Variants in ZGRF1 observed in about 807,000 individuals in gnomAD.
ZGRF1 encodes 5'-3' DNA helicase ZGRF1.
A neutral mutation model predicts 203.5 loss-of-function variants in ZGRF1; 196 were observed. The ratio of observed to expected loss-of-function variants is 0.96; its 90% CI spans 0.86 to 1.08. The LOEUF (loss-of-function observed/expected upper bound fraction) is 1.08, where lower values mean the gene tolerates loss of function less well. Among genes scored for constraint, ZGRF1 ranks in the 50% least tolerant of loss-of-function variants. ZGRF1 has a pLI of 0.00. For missense variants in ZGRF1, 2,326 were observed against 2,416.3 expected (o/e 0.96, Z 0.78); for synonymous variants, 809 against 841.3 (o/e 0.96, Z 0.66).
In ZGRF1 at chr4:112,619,562, C is replaced by G. The variant is rs760593270; in HGVS notation, c.480G>C (p.Leu160Phe). ...CATCTTTCTTGCCAACAGTAGGAAA[C>G]AAAGGAGGCATGCTGCAGAATGGAG... ...IFSPFCSMPP[L>F]FPTVGKKDVN... is the part of the protein sequence containing the mutation. The change falls in exon 6 of 28, where the codon TTG (leucine) becomes TTC (phenylalanine). Residue 160 changes from leucine (L) to phenylalanine (F), a missense_variant. Coordinates refer to ENST00000505019, the MANE Select transcript of ZGRF1 (RefSeq NM_018392.5). 5 of 1,614,052 alleles carry G rather than the reference C, an allele frequency of 3.1e-6. No individual in the cohort carries two copies. In the East Asian group the frequency reaches 1.1e-4, roughly 36 times the overall value.
At chr4:112,561,843 A>G (rs1398244355) in intron 18 of ZGRF1, among the ~76,000 whole-genome samples, 1 of 151,976 alleles carries the variant, frequency 6.6e-6, no homozygotes, top group Non-Finnish European at 1.5e-5. Flanking sequence ...TGAAGTGAAA[A>G]TGTACAGTAA....
chr4:112,618,309 T>C lies in ZGRF1; in HGVS notation c.1733A>G (p.Asn578Ser). The C allele has an allele frequency of 6.2e-7, 1 of 1,613,984 alleles. No individual in the cohort carries two copies. Among genetic ancestry groups the C allele is most frequent in the Non-Finnish European group, 8.5e-7 (1 of 1,179,944 alleles). The change falls in exon 6 of 28, where the codon AAT becomes AGT. Residue 578 changes from asparagine (N) to serine (S), a missense_variant. Physicochemically the swap from Asn to Ser is conservative, Grantham distance 46. Transcript: ENST00000505019. The stretch of plus-strand genomic sequence containing the variant: ...ACCCTCAATCTCTTCACAGTTTGTA[T>C]TCTCAGACCTCTTTTGAAAACATGA... Reference protein sequence around the residue: ...GNSCFQKRSENTNCEEIEGEH... With the variant: ...GNSCFQKRSESTNCEEIEGEH...
chr4:112,571,728 T>C (rs1328413846), intron 16 of ZGRF1, among the ~76,000 whole-genome samples: 1 of 152,164 alleles, frequency 6.6e-6, no homozygotes, highest in Non-Finnish European at 1.5e-5. Flanking sequence ...CTCAACTTTA[T>C]AGGTACAATT....
intron 15 of ZGRF1, among the ~76,000 whole-genome samples, chr4:112,582,587 G>A (rs528880023): frequency 1.3e-4 from 20 of 151,998 alleles, no homozygotes; most frequent in Non-Finnish European, 2.8e-4. Flanking sequence ...CCAAGTAGCT[G>A]GGACTACAGG....
At chr4:112,614,595 G>A (rs759110241) in intron 6 of ZGRF1, among the ~76,000 whole-genome samples, 8 of 152,220 alleles carry the variant, frequency 5.3e-5, no homozygotes, top group Non-Finnish European at 7.3e-5. Context: ...TCGGGAGGCC[G>A]AGGTGGGCAG....
chr4:112,623,471 T>C (rs377574484), intron 4 of ZGRF1, among the ~76,000 whole-genome samples: 2 of 152,304 alleles, frequency 1.3e-5, no homozygotes, highest in East Asian at 1.9e-4. Flanking sequence ...ACAGTAGACC[T>C]CTGCCTATGA....
intron 16 of ZGRF1, among the ~76,000 whole-genome samples, chr4:112,566,946 G>GAA (rs79937698): frequency 4.2e-5 from 6 of 143,794 alleles, no homozygotes; most frequent in Admixed American, 3.5e-4. Flanking sequence ...TCCTCTGGAG[G>GAA]AAAAAAAAAA....
intron 11 of ZGRF1, 29 bp downstream of exon 11, chr4:112,589,695 A>G: frequency 2.5e-6 from 4 of 1,595,064 alleles, no homozygotes; most frequent in Non-Finnish European, 3.4e-6. Context: ...ATGAATAGAC[A>G]GATATTAGAG....
At chr4:112,607,758 C>T (rs1482324503) in intron 8 of ZGRF1, 1 of 152,268 alleles carries the variant, frequency 6.6e-6, no homozygotes, top group Non-Finnish European at 1.5e-5. Flanking sequence ...TGTAGTCAGA[C>T]TCCATCTCTA....
intron 8 of ZGRF1, among the ~76,000 whole-genome samples, chr4:112,606,840 G>A (rs896815029): frequency 2.6e-5 from 4 of 152,072 alleles, no homozygotes; most frequent in Non-Finnish European, 4.4e-5. Flanking sequence ...CACAAAACAC[G>A]ATACTGACAA....
At chr4:112,555,727 G>A (rs1335529349) in intron 20 of ZGRF1, among the ~76,000 whole-genome samples, 1 of 152,106 alleles carries the variant, frequency 6.6e-6, no homozygotes, top group African/African-American at 2.4e-5. Context: ...GGAAAACATT[G>A]TCTGTTCAAG....
intron 17 of ZGRF1, 59 bp from the exon 18 acceptor site, chr4:112,562,544 CTG>C: frequency 9.6e-7 from 1 of 1,046,298 alleles, no homozygotes; most frequent in East Asian, 2.6e-5. Context: ...CATAAAAACT[CTG>C]TGTTAAATGC....
intron 6 of ZGRF1, among the ~76,000 whole-genome samples, chr4:112,613,395 C>G (rs1031619456): frequency 2.0e-5 from 3 of 152,020 alleles, no homozygotes; most frequent in African/African-American, 7.2e-5. Context: ...AAAATTCACT[C>G]AACAATTATT....
intron 10 of ZGRF1, among the ~76,000 whole-genome samples, chr4:112,593,597 T>A (rs1485057325): frequency 2.0e-5 from 3 of 152,184 alleles, no homozygotes; most frequent in Admixed American, 6.5e-5. Flanking sequence ...CCTCATTAAT[T>A]ACCATTTTCT....
chr4:112,608,039 A>C (rs1241174937), intron 8 of ZGRF1: 1 of 152,246 alleles, frequency 6.6e-6, no homozygotes, highest in Admixed American at 6.5e-5. Flanking sequence ...TAGATTATTA[A>C]GACCTTTTCA....
intron 10 of ZGRF1, among the ~76,000 whole-genome samples, chr4:112,591,706 T>A (rs1385806065): frequency 6.6e-6 from 1 of 152,136 alleles, no homozygotes; most frequent in Non-Finnish European, 1.5e-5. Flanking sequence ...GCCTTTCCCC[T>A]AGATATCTGC....
At chr4:112,595,979 A>G (rs1174167704) in intron 10 of ZGRF1, among the ~76,000 whole-genome samples, 1 of 152,238 alleles carries the variant, frequency 6.6e-6, no homozygotes, top group Non-Finnish European at 1.5e-5. Context: ...CGCTTATTCA[A>G]AAAAGCACTT....
chr4:112,628,598 A>G (rs1477068043), intron 3 of ZGRF1: 1 of 456,134 alleles, frequency 2.2e-6, no homozygotes. Context: ...GTTATTTAGG[A>G]AACAGTGAGA....
At chr4:112,629,137 C>T (rs1165192470) in intron 3 of ZGRF1, among the ~76,000 whole-genome samples, 1 of 152,154 alleles carries the variant, frequency 6.6e-6, no homozygotes, top group African/African-American at 2.4e-5. Flanking sequence ...ATCTATAGCC[C>T]TGGGTCTCAA....
Sources: gnomAD v4.1 joint callset for allele counts (sites outside exome capture counted in the v4.1 genomes callset) on GRCh38, gnomAD v4.1.1 for gene constraint, MANE v1.5 for transcripts, NCBI Gene and HGNC (gene_info 2026-07-23, HGNC 2026-07-21) for gene names.